RNF111: variants seen among roughly 807,000 people sequenced by gnomAD.
RNF111 encodes the protein ring finger protein 111, also known as E3 ubiquitin-protein ligase Arkadia.
Under a neutral mutation model 95.1 loss-of-function variants are expected in RNF111, and 17 were observed. That is an observed-to-expected ratio of 0.18 (90% CI 0.12 to 0.27). The LOEUF is 0.27. Ranked by LOEUF, RNF111 falls within the 10% of genes least tolerant of loss-of-function variation. RNF111 has a pLI of 1.00. For synonymous variants in RNF111, 440 were observed against 414.8 expected, an observed-to-expected ratio of 1.06 and a Z score of -0.74; for missense variants, 1,189 against 1,210.4, an observed-to-expected ratio of 0.98 and a Z score of 0.26.
Position 59,003,905 on chromosome 15 carries a change from T to A in RNF111, c.-20+15837T>A, listed in dbSNP as rs534553655. The A allele has an allele frequency of 2.5e-4, 39 of 158,124 alleles. No individual in the cohort carries two copies. The South Asian group carries it at 4.6e-3, about 19-fold the overall frequency. 9.8% of individuals were successfully genotyped at this position (158,124 alleles called of 1,614,324 possible). Reference sequence around the variant, plus strand: ...AAATGAATAAGTGATAGCTAATGTATTGTCAGTGATACTGTATCTTCTAAA... The same window carrying A: ...AAATGAATAAGTGATAGCTAATGTAATGTCAGTGATACTGTATCTTCTAAA... On this transcript the variant is annotated intron_variant, in intron 1 of 13. Transcript: ENST00000348370.
chr15:58,998,727 C>G (rs1364324842), intron 1 of RNF111, among the ~76,000 whole-genome samples: 1 of 152,108 alleles, frequency 6.6e-6, no homozygotes, highest in Non-Finnish European at 1.5e-5. Flanking sequence ...AACTTTCAAG[C>G]AAAAATTAGA....
intron 1 of RNF111, chr15:58,988,430 G>C (rs2038664161): frequency 6.6e-6 from 1 of 152,594 alleles, no homozygotes; most frequent in African/African-American, 2.4e-5. Flanking sequence ...GGGAGTTGGA[G>C]GGCGCTAAGT....
At chr15:59,006,476 C>T (rs2039544863) in intron 1 of RNF111, among the ~76,000 whole-genome samples, 1 of 152,152 alleles carries the variant, frequency 6.6e-6, no homozygotes, top group Non-Finnish European at 1.5e-5. Context: ...GTGTTTGATA[C>T]TCTGCTCATC....
intron 1 of RNF111, among the ~76,000 whole-genome samples, chr15:59,001,775 C>G (rs146735876): frequency 1.8e-4 from 28 of 152,220 alleles, no homozygotes; most frequent in Non-Finnish European, 3.7e-4. Context: ...TTTATGAAAT[C>G]ATGTTTAAAG....
In RNF111 at chr15:59,055,814, A is replaced by G; in HGVS notation, c.1140A>G (p.Ala380=). 1 of 1,613,826 alleles carries G rather than the reference A, an allele frequency of 6.2e-7. No homozygotes were observed. The highest frequency in any genetic ancestry group is 8.5e-7 in the Non-Finnish European group (1 of 1,179,880). ...TACAGCCCTTGAGGCAGAATGCAGCAGAAGTTGTGGACCTTACCGTTGATG... is the reference window on the plus strand; with the variant it reads ...TACAGCCCTTGAGGCAGAATGCAGCGGAAGTTGTGGACCTTACCGTTGATG... ...TVIQPLRQNA[A]EVVDLTVDED... The change falls in exon 4 of 14, where the codon GCA becomes GCG. Residue 380 remains alanine (A), a synonymous_variant. Coordinates refer to ENST00000348370, the MANE Select transcript of RNF111 (RefSeq NM_017610.8).
rs551516378 is a variant in RNF111 at position 59,095,510 on chromosome 15, G to C, written c.*610G>C. The stretch of plus-strand genomic sequence containing the variant: ...CAGGTGGTAGTCACATCACCAGAGT[G>C]ATCAGTATAAATTTTCTTGGTGTAT... On this transcript the variant is annotated 3_prime_UTR_variant, in exon 14 of 14. Coordinates refer to ENST00000348370, the MANE Select transcript of RNF111 (RefSeq NM_017610.8). 114 of 153,160 alleles carry C rather than the reference G, an allele frequency of 7.4e-4. 1 individual carries two copies. Among genetic ancestry groups the C allele is most frequent in the Non-Finnish European group, 1.3e-3 (86 of 68,508 alleles). The allele number at this position is 153,160 out of a possible 1,614,324, so 9.5% of individuals were successfully genotyped here.
chr15:59,005,448 C>G (rs1330150177), intron 1 of RNF111, among the ~76,000 whole-genome samples: 1 of 152,166 alleles, frequency 6.6e-6, no homozygotes, highest in Non-Finnish European at 1.5e-5. Context: ...AAATTGTTTC[C>G]TTGGGCAGTT....
At chr15:59,066,726 A>G in intron 5 of RNF111, 38 bp from the exon 6 acceptor site, 3 of 1,516,222 alleles carry the variant, frequency 2.0e-6, no homozygotes, top group Non-Finnish European at 2.7e-6. Flanking sequence ...GTGATATTTC[A>G]TGATTTGATT....
At chr15:59,013,080 G>T (rs1266161329) in intron 1 of RNF111, among the ~76,000 whole-genome samples, 1 of 152,138 alleles carries the variant, frequency 6.6e-6, no homozygotes, top group Non-Finnish European at 1.5e-5. Context: ...AGTAGTGAGA[G>T]AATGGATGGT....
chr15:59,034,486 C>A (rs191180314), intron 2 of RNF111, among the ~76,000 whole-genome samples: 32 of 152,260 alleles, frequency 2.1e-4, no homozygotes, highest in Non-Finnish European at 4.3e-4. Flanking sequence ...TATGTGTATT[C>A]TCATTGAATC....
At chr15:59,019,198 C>A (rs1298554769) in intron 1 of RNF111, among the ~76,000 whole-genome samples, 2 of 150,868 alleles carry the variant, frequency 1.3e-5, no homozygotes, top group African/African-American at 4.9e-5. Flanking sequence ...CTTGGCCTCA[C>A]AAAGTGCTGG....
At chr15:59,008,121 A>G (rs1470567058) in intron 1 of RNF111, among the ~76,000 whole-genome samples, 1 of 152,134 alleles carries the variant, frequency 6.6e-6, no homozygotes, top group East Asian at 1.9e-4. Context: ...TAGAAGCTTT[A>G]TAGTTTTAGG....
chr15:59,060,701 A>G (rs2042396037), intron 5 of RNF111, among the ~76,000 whole-genome samples: 1 of 152,186 alleles, frequency 6.6e-6, no homozygotes, highest in Non-Finnish European at 1.5e-5. Flanking sequence ...TGAGAAGTTA[A>G]GTACCTTGAC....
chr15:59,060,896 G>C (rs2042407946), intron 5 of RNF111, among the ~76,000 whole-genome samples: 3 of 151,480 alleles, frequency 2.0e-5, no homozygotes, highest in Non-Finnish European at 4.4e-5. Flanking sequence ...CCACCTCCCA[G>C]GCTCAAGTGA....
At chr15:59,037,497 A>G (rs1406217684) in intron 2 of RNF111, among the ~76,000 whole-genome samples, 2 of 152,184 alleles carry the variant, frequency 1.3e-5, no homozygotes, top group East Asian at 3.8e-4. Flanking sequence ...GGGTTTCCCA[A>G]TTAATTATGG....
At chr15:59,036,351 G>T (rs111440124) in intron 2 of RNF111, among the ~76,000 whole-genome samples, 2 of 152,122 alleles carry the variant, frequency 1.3e-5, no homozygotes, top group South Asian at 4.1e-4. Context: ...TTGAGCCACC[G>T]CACCCGGCCA....
intron 1 of RNF111, among the ~76,000 whole-genome samples, chr15:59,020,626 C>T (rs1280316315): frequency 6.6e-6 from 1 of 152,282 alleles, no homozygotes; most frequent in Non-Finnish European, 1.5e-5. Flanking sequence ...TTAAGGATTT[C>T]AGAATACTTT....
intron 9 of RNF111, among the ~76,000 whole-genome samples, chr15:59,084,695 A>G (rs767812358): frequency 9.9e-5 from 15 of 152,104 alleles, no homozygotes; most frequent in African/African-American, 2.9e-4. Context: ...CATGCTGTGC[A>G]GTAGAATATC....
intron 2 of RNF111, among the ~76,000 whole-genome samples, chr15:59,040,302 T>G (rs936463574): frequency 4.6e-5 from 7 of 151,004 alleles, no homozygotes; most frequent in African/African-American, 1.7e-4. Flanking sequence ...ATATTTTAAT[T>G]TTTTTTTTAG....
Sources: allele counts gnomAD v4.1 joint callset (sites outside exome capture counted in the v4.1 genomes callset), GRCh38; gene constraint gnomAD v4.1.1; transcripts MANE v1.5; gene names NCBI Gene and HGNC (gene_info 2026-07-23, HGNC 2026-07-21).